Variants in TMEM30A observed in about 807,000 individuals in gnomAD.
The protein encoded by TMEM30A is cell division cycle 50 P4-ATPase accessory subunit A.
In TMEM30A, 24 loss-of-function variants were observed where a neutral mutation model predicts 38.2. The observed-to-expected ratio is 0.63, with a 90% confidence interval of 0.46 to 0.88. TMEM30A has a LOEUF of 0.88. TMEM30A is among the 40% of genes least tolerant of loss of function. The pLI, the probability that TMEM30A is intolerant of heterozygous loss-of-function variation, is 0.00. For missense variants in TMEM30A, 370 were observed against 458.6 expected (o/e 0.81, Z 1.77); for synonymous variants, 145 against 161.6 (o/e 0.90, Z 0.78).
intron 3 of TMEM30A, among the ~76,000 whole-genome samples, chr6:75,264,232 C>G (rs1562389409): frequency 6.6e-6 from 1 of 152,206 alleles, no homozygotes; most frequent in Non-Finnish European, 1.5e-5. Flanking sequence ...TTCGGAGGCC[C>G]ATGCTGCTCA....
intron 1 of TMEM30A, among the ~76,000 whole-genome samples, chr6:75,271,058 A>G (rs1257389923): frequency 6.6e-6 from 1 of 152,154 alleles, no homozygotes; most frequent in African/African-American, 2.4e-5. Context: ...AGATGAAAGA[A>G]AAGACCATTC....
intron 1 of TMEM30A, among the ~76,000 whole-genome samples, chr6:75,270,626 G>A (rs373867435): frequency 1.3e-5 from 2 of 152,150 alleles, no homozygotes; most frequent in East Asian, 3.9e-4. Flanking sequence ...GGACTTCCCA[G>A]CCTCCAGAAC....
In TMEM30A at chr6:75,255,601, T is replaced by C. The variant is rs1484512959; in HGVS notation, c.*501A>G. ...AACCACCTCAACAAAGATGGTACTT[T>C]AAGCATTTATACACATGAAAATGAT... On this transcript the variant is annotated 3_prime_UTR_variant, in exon 7 of 7. Transcript: ENST00000230461. 6.5e-6 allele frequency: 1 copy of C among 152,730 alleles called. No individual in the cohort carries two copies. Among genetic ancestry groups the C allele is most frequent in the Non-Finnish European group, 1.5e-5 (1 of 68,112 alleles). The allele number at this position is 152,730 out of a possible 1,614,324, so 9.5% of individuals were successfully genotyped here.
intron 3 of TMEM30A, 72 bp downstream of exon 3, chr6:75,265,159 A>G (rs1772046937): frequency 1.1e-6 from 1 of 950,940 alleles, no homozygotes; most frequent in Non-Finnish European, 1.5e-6. Flanking sequence ...CATCCTAACA[A>G]TTCTAACTGA....
chr6:75,283,307 ATGTGTGTG>A (rs10545744), intron 1 of TMEM30A, among the ~76,000 whole-genome samples: 4 of 148,448 alleles, frequency 2.7e-5, no homozygotes, highest in South Asian at 2.1e-4. Context: ...ATTTATTAAA[ATGTGTGTG>A]TGTGTGTGTG....
chr6:75,282,401 T>C (rs1381146382), intron 1 of TMEM30A, among the ~76,000 whole-genome samples: 1 of 152,220 alleles, frequency 6.6e-6, no homozygotes, highest in Non-Finnish European at 1.5e-5. Context: ...CCAAAGATTT[T>C]AAGAAAAGTT....
Position 75,260,314 on chromosome 6 carries a change from G to A in TMEM30A, c.541+510C>T, listed in dbSNP as rs375567115. 2.2e-4 allele frequency among the ~76,000 whole-genome samples: 34 copies of A among 152,198 alleles called. No homozygotes were observed. In the East Asian group the frequency reaches 6.0e-3, roughly 27 times the overall value. Reference sequence around the variant, plus strand: ...CCAGTTACAGGGGAAGCTGAGGCAAGAGAAATGCTTGAACCCAGGGAGCAG... The same window carrying A: ...CCAGTTACAGGGGAAGCTGAGGCAAAAGAAATGCTTGAACCCAGGGAGCAG... On this transcript the variant is annotated intron_variant, in intron 4 of 6. Transcript: ENST00000230461.
Position 75,259,413 on chromosome 6 carries a change from A to C in TMEM30A, c.619T>G (p.Trp207Gly), listed in dbSNP as rs1771924526. Residue 207 changes from tryptophan (W) to glycine (G), a missense_variant, in exon 5 of 7, where the codon TGG becomes GGG. Coordinates refer to ENST00000230461, the MANE Select transcript of TMEM30A (RefSeq NM_018247.4). ...CTGAATTTCACATTTTTATCTGTCCACCAAGCAATACCTTTCTTTTTCAAA... is the reference window on the plus strand; with the variant it reads ...CTGAATTTCACATTTTTATCTGTCCCCCAAGCAATACCTTTCTTTTTCAAA... Reference protein sequence around the residue: ...IALKKKGIAWWTDKNVKFRNP... With the variant: ...IALKKKGIAWGTDKNVKFRNP... 3 of 1,613,428 alleles carry C rather than the reference A, an allele frequency of 1.9e-6. No homozygotes were observed. The highest frequency in any genetic ancestry group is 2.5e-6 in the Non-Finnish European group (3 of 1,179,686).
At chr6:75,265,117 T>C (rs1772046258) in intron 3 of TMEM30A, 114 bp downstream of exon 3, 5 of 660,894 alleles carry the variant, frequency 7.6e-6, no homozygotes, top group Non-Finnish European at 1.2e-5. Flanking sequence ...AAATCCTCAC[T>C]ATACAAACTA....
chr6:75,259,229 G>A, intron 5 of TMEM30A, 118 bp downstream of exon 5: 1 of 1,156,956 alleles, frequency 8.6e-7, no homozygotes, highest in Non-Finnish European at 1.2e-6. Flanking sequence ...GTATGAAGCT[G>A]AGGAAAGAAA....
At chr6:75,283,398 T>C (rs1361025288) in intron 1 of TMEM30A, among the ~76,000 whole-genome samples, 2 of 149,402 alleles carry the variant, frequency 1.3e-5, no homozygotes, top group Non-Finnish European at 3.0e-5. Context: ...CAAATAGATT[T>C]AGAAAAAAAA....
chr6:75,266,136 G>T (rs1772064065), intron 2 of TMEM30A, among the ~76,000 whole-genome samples: 1 of 152,080 alleles, frequency 6.6e-6, no homozygotes, highest in African/African-American at 2.4e-5. Context: ...ATTTTTAGAG[G>T]TAGCAAACAT....
At chr6:75,272,090 A>G (rs1772182848) in intron 1 of TMEM30A, among the ~76,000 whole-genome samples, 1 of 152,226 alleles carries the variant, frequency 6.6e-6, no homozygotes, top group African/African-American at 2.4e-5. Context: ...GGCAGCTAAG[A>G]AGGTAAACTG....
Position 75,256,056 on chromosome 6 carries a change from A to G in TMEM30A, c.*46T>C. ...GCATTCGAAAGCTAGGTTGAATAGGACTGGCCTTGATGCACATGCAGATGA... is the reference window on the plus strand; with the variant it reads ...GCATTCGAAAGCTAGGTTGAATAGGGCTGGCCTTGATGCACATGCAGATGA... On this transcript the variant is annotated 3_prime_UTR_variant, in exon 7 of 7. Transcript: ENST00000230461. 1 of 1,382,766 alleles carries G rather than the reference A, an allele frequency of 7.2e-7. No homozygotes were observed. The highest frequency in any genetic ancestry group is 1.0e-6 in the Non-Finnish European group (1 of 992,220). 85.7% of individuals were successfully genotyped at this position (1,382,766 alleles called of 1,614,324 possible).
At chr6:75,271,299 A>G (rs1376646478) in intron 1 of TMEM30A, among the ~76,000 whole-genome samples, 3 of 152,308 alleles carry the variant, frequency 2.0e-5, no homozygotes, top group African/African-American at 7.2e-5. Context: ...AATCTAATAA[A>G]TTATGCTACA....
chr6:75,258,710 A>T, intron 6 of TMEM30A, 70 bp downstream of exon 6: 1 of 1,374,374 alleles, frequency 7.3e-7, no homozygotes, highest in Non-Finnish European at 1.0e-6. Context: ...CATGCCACAT[A>T]ACAGATATAA....
At chr6:75,268,337 C>T (rs1043610798) in intron 1 of TMEM30A, among the ~76,000 whole-genome samples, 1 of 152,188 alleles carries the variant, frequency 6.6e-6, no homozygotes, top group Admixed American at 6.5e-5. Context: ...AACAAGATGA[C>T]TCAGGATAGC....
Position 75,284,441 on chromosome 6 carries a change from A to T in TMEM30A, c.198T>A (p.Ile66=). 6.2e-7 allele frequency: 1 copy of T among 1,614,150 alleles called. No homozygotes were observed. The highest frequency in any genetic ancestry group is 8.5e-7 in the Non-Finnish European group (1 of 1,180,030). Residue 66 remains isoleucine, a synonymous_variant, in exon 1 of 7, where the codon ATT becomes ATA. Transcript: ENST00000230461. The part of the protein sequence containing the change: ...IIGLIFIPIG[I]GIFVTSNNIR... ...TGTTGTTGGAGGTGACAAAAATGCC[A>T]ATGCCGATGGGAATGAAGATGAGAC...
chr6:75,258,164 A>T (rs1054572869), intron 6 of TMEM30A, among the ~76,000 whole-genome samples: 3 of 152,200 alleles, frequency 2.0e-5, no homozygotes, highest in Non-Finnish European at 4.4e-5. Flanking sequence ...AGTGCTCGAT[A>T]TTCCTGTATT....
Sources: allele counts gnomAD v4.1 joint callset (sites outside exome capture counted in the v4.1 genomes callset), GRCh38; gene constraint gnomAD v4.1.1; transcripts MANE v1.5; gene names NCBI Gene and HGNC (gene_info 2026-07-23, HGNC 2026-07-21).